Variants in COL18A1 observed in about 807,000 individuals in gnomAD.
COL18A1 encodes the protein collagen alpha-1(XVIII) chain.
A neutral mutation model predicts 168.0 loss-of-function variants in COL18A1; 133 were observed. The observed-to-expected ratio is 0.79, with a 90% CI of 0.69 to 0.91. The LOEUF (loss-of-function observed/expected upper bound fraction) is 0.91. Among genes scored for constraint, COL18A1 ranks in the 40% least tolerant of loss-of-function variants. The probability of loss-of-function intolerance (pLI) is 0.00; values close to 1 mark genes in which losing one functional copy is unlikely to be tolerated. For missense variants in COL18A1, 2,126 were observed against 1,925.4 expected (o/e 1.10, Z -1.95); for synonymous variants, 949 against 809.0 (o/e 1.17, Z -2.94).
chr21:45,437,713 CACAG>C (rs2034206011), intron 2 of COL18A1, among the ~76,000 whole-genome samples: 2 of 83,774 alleles, frequency 2.4e-5, no homozygotes, highest in African/African-American at 1.5e-4. Context: ...CACTCAGACA[CACAG>C]GCACTCTCCT....
At chr21:45,442,451 G>C (rs896758518) in intron 2 of COL18A1, among the ~76,000 whole-genome samples, 1 of 152,214 alleles carries the variant, frequency 6.6e-6, no homozygotes, top group Non-Finnish European at 1.5e-5. Context: ...ACCTCTGTCA[G>C]CTGGGCAGGC....
intron 38 of COL18A1, among the ~76,000 whole-genome samples, chr21:45,508,943 G>T (rs2037410927): frequency 6.6e-6 from 1 of 152,158 alleles, no homozygotes. Flanking sequence ...CTGGGGTGCA[G>T]GCCTGGGGGC....
intron 12 of COL18A1, 42 bp from the exon 13 acceptor site, chr21:45,480,658 G>T (rs778358611): frequency 3.4e-5 from 54 of 1,611,042 alleles, no homozygotes; most frequent in Non-Finnish European, 4.6e-5. Flanking sequence ...TCCCTGGTGG[G>T]TGCCACATGG....
rs185563693 is a variant in COL18A1 at position 45,511,242 on chromosome 21, C to T, written c.3809+16C>T. The T allele has an allele frequency of 6.8e-4, 954 of 1,392,700 alleles. No homozygotes were observed. The highest frequency in any genetic ancestry group is 8.5e-4 in the Non-Finnish European group (847 of 996,724). 86.3% of individuals were successfully genotyped at this position (1,392,700 alleles called of 1,614,324 possible). A position where few individuals can be genotyped will look rare whatever the true frequency, so the allele number is the denominator to read the frequency against. ...ACCCCACCTGGTAGGTTCCCAGTGC[C>T]GTGTGAGCAGCTCTGAGAGCCCCAG... On this transcript the variant is annotated intron_variant, in intron 41 of 41. Transcript: ENST00000651438.
chr21:45,512,684 T>A lies in COL18A1; in HGVS notation c.*286T>A. ...GTGCAGTATCATGCCCTGTGCAACC[T>A]CTTGGCCTGATCAGACCACGGCTCG... is the stretch of plus-strand genomic sequence containing the variant. On this transcript the variant is annotated 3_prime_UTR_variant, in exon 42 of 42. Transcript: ENST00000651438. The A allele has an allele frequency of 2.0e-6, 1 of 506,818 alleles. No individual in the cohort carries two copies. The highest frequency in any genetic ancestry group is 2.1e-5 in the South Asian group (1 of 47,932). The allele number at this position is 506,818 out of a possible 1,614,324, so 31.4% of individuals were successfully genotyped here. A position where few individuals can be genotyped will look rare whatever the true frequency, so the allele number is the denominator to read the frequency against.
Position 45,497,758 on chromosome 21 carries a change from C to T in COL18A1, c.2683+97C>T, listed in dbSNP as rs541347093. On this transcript the variant is annotated intron_variant, in intron 32 of 41. Transcript: ENST00000651438. Reference sequence around the variant, plus strand: ...GCCGCCACCACAAGCAGGTCCTGGACCCTCACTGGGTGGTGACCACCTCAC... The same window carrying T: ...GCCGCCACCACAAGCAGGTCCTGGATCCTCACTGGGTGGTGACCACCTCAC... The T allele has an allele frequency of 9.3e-6, 14 of 1,502,304 alleles. No homozygotes were observed. The Admixed American group carries it at 2.8e-4, about 30-fold the overall frequency. The allele number at this position is 1,502,304 out of a possible 1,614,324, so 93.1% of individuals were successfully genotyped here.
intron 39 of COL18A1, among the ~76,000 whole-genome samples, 194 bp downstream of exon 39, chr21:45,509,795 A>G (rs1457626150): frequency 6.6e-6 from 1 of 152,020 alleles, no homozygotes; most frequent in Non-Finnish European, 1.5e-5. Context: ...AGTGGTCATG[A>G]AAGTCCAGCC....
intron 26 of COL18A1, 169 bp from the exon 27 acceptor site, chr21:45,494,376 C>G: frequency 1.1e-6 from 1 of 924,580 alleles, no homozygotes; most frequent in Non-Finnish European, 1.7e-6. Flanking sequence ...CTGCCTGCGC[C>G]TTGGGGACGG....
At chr21:45,490,733 C>G in intron 20 of COL18A1, 103 bp from the exon 21 acceptor site, 1 of 1,270,022 alleles carries the variant, frequency 7.9e-7, no homozygotes, top group Non-Finnish European at 1.1e-6. Context: ...CCCAGCCGGT[C>G]GGGAAATAAA....
chr21:45,415,768 C>T (rs2033425520), intron 2 of COL18A1, among the ~76,000 whole-genome samples: 2 of 152,246 alleles, frequency 1.3e-5, no homozygotes, highest in African/African-American at 4.8e-5. Flanking sequence ...AAGTGCCATC[C>T]AGCCCAGTGC....
In COL18A1 at chr21:45,456,739, C is replaced by T. The variant is rs1353541188; in HGVS notation, c.107-11503C>T. On this transcript the variant is annotated intron_variant, in intron 2 of 41. Transcript: ENST00000651438. ...CCCCATGCGGCAGCGTCCCGCCGCC[C>T]GCCCCGCCACCCTGCTGCCAGTTCT... The T allele has an allele frequency of 1.9e-5, 29 of 1,535,364 alleles. 1 individual carries two copies. The highest frequency in any genetic ancestry group is 1.3e-4 in the South Asian group (11 of 83,740).
At chr21:45,499,567 G>A (rs1194438198) in intron 32 of COL18A1, among the ~76,000 whole-genome samples, 8 of 151,722 alleles carry the variant, frequency 5.3e-5, no homozygotes, top group Non-Finnish European at 7.4e-5. Flanking sequence ...TCGGGAACCC[G>A]CGTGGGCTGC....
At chr21:45,484,370 ACG>A (rs34808725) in intron 15 of COL18A1, among the ~76,000 whole-genome samples, 19,390 of 132,620 alleles carry the variant, frequency 0.15, 2,057 homozygotes, top group Middle Eastern at 0.21. Flanking sequence ...ACACACATAC[ACG>A]CACACACACA....
rs1294447180 is a variant in COL18A1 at position 45,471,531 on chromosome 21, T to C, written c.652-2364T>C. ...CCCTGGCGCTGCCACAGATGGTGCCTGGGACCCCCGGCCGCAGCTGGGTCC... is the reference window on the plus strand; with the variant it reads ...CCCTGGCGCTGCCACAGATGGTGCCCGGGACCCCCGGCCGCAGCTGGGTCC... On this transcript the variant is annotated intron_variant, in intron 3 of 41. Transcript: ENST00000651438. The surrounding 1 kb of genome is among the most constrained non-coding windows in gnomAD (Gnocchi z 4.4). Among the ~76,000 whole-genome samples the C allele has an allele frequency of 2.0e-5, 3 of 152,288 alleles. No individual in the cohort carries two copies. Among genetic ancestry groups the C allele is most frequent in the African/African-American group, 7.2e-5 (3 of 41,550 alleles).
Position 45,498,515 on chromosome 21 carries a change from G to T in COL18A1, c.2683+854G>T. The T allele has an allele frequency of 1.4e-6, 1 of 716,376 alleles. No individual in the cohort carries two copies. Among genetic ancestry groups the T allele is most frequent in the South Asian group, 1.5e-5 (1 of 67,566 alleles). The allele number at this position is 716,376 out of a possible 1,614,324, so 44.4% of individuals were successfully genotyped here. A position where few individuals can be genotyped will look rare whatever the true frequency, so the allele number is the denominator to read the frequency against. On this transcript the variant is annotated intron_variant, in intron 32 of 41. Transcript: ENST00000651438. This position sits in a 1 kb window ranked among gnomAD's most constrained non-coding sequence, Gnocchi z 4.5. ...CCTCTCGCTGCCAGGGTCCTCTGCAGAGGAGGCCGCCATACCTGCTCTTGC... is the reference window on the plus strand; with the variant it reads ...CCTCTCGCTGCCAGGGTCCTCTGCATAGGAGGCCGCCATACCTGCTCTTGC...
Position 45,480,888 on chromosome 21 carries a change from G to A in COL18A1, c.1611+30G>A. On this transcript the variant is annotated intron_variant, in intron 13 of 41. Coordinates refer to ENST00000651438, the MANE Select transcript of COL18A1 (RefSeq NM_001379500.1). The stretch of plus-strand genomic sequence containing the variant: ...GTCCTGCCTCCACCGTCAGTGTCGG[G>A]AGCCCTGTCTGCTGGGAGTGAGGGG... The A allele has an allele frequency of 5.6e-6, 9 of 1,595,524 alleles. No homozygotes were observed. The South Asian group carries it at 9.0e-5, about 16-fold the overall frequency.
At chr21:45,454,534 A>G (rs542511564) in intron 2 of COL18A1, among the ~76,000 whole-genome samples, 2 of 152,290 alleles carry the variant, frequency 1.3e-5, no homozygotes, top group East Asian at 3.9e-4. Flanking sequence ...TGTGTGAGTG[A>G]GCACGCCTGT....
chr21:45,477,727 C>T (rs1450332589), intron 7 of COL18A1, 23 bp from the exon 8 acceptor site: 1 of 1,520,308 alleles, frequency 6.6e-7, no homozygotes, highest in East Asian at 2.5e-5. Context: ...CCAGCCCGAG[C>T]CCTGTGTTCT....
chr21:45,452,740 ATG>A, intron 2 of COL18A1, among the ~76,000 whole-genome samples: 1 of 149,820 alleles, frequency 6.7e-6, no homozygotes, highest in African/African-American at 2.5e-5. Flanking sequence ...GTGAGCATAT[ATG>A]TACGTGTGAT....
Sources: allele counts gnomAD v4.1 joint callset (sites outside exome capture counted in the v4.1 genomes callset), GRCh38; gene constraint gnomAD v4.1.1; non-coding constraint Gnocchi (gnomAD v3.1); transcripts MANE v1.5; gene names NCBI Gene and HGNC (gene_info 2026-07-23, HGNC 2026-07-21).